NF1: variants seen among roughly 807,000 people sequenced by gnomAD.
NF1 encodes neurofibromin 1.
Under a neutral mutation model 325.7 loss-of-function variants are expected in NF1, and 122 were observed. The observed-to-expected ratio is 0.37, with a 90% CI of 0.32 to 0.44. The LOEUF (loss-of-function observed/expected upper bound fraction) is 0.44. NF1 is among the 20% of genes least tolerant of loss of function. The pLI, the probability that NF1 is intolerant of heterozygous loss-of-function variation, is 1.00. For synonymous variants in NF1, 1,091 were observed against 1,186.0 expected, an observed-to-expected ratio of 0.92 and a Z score of 1.65; for missense variants, 2,140 against 3,415.4, an observed-to-expected ratio of 0.63 and a Z score of 9.31.
intron 1 of NF1, among the ~76,000 whole-genome samples, chr17:31,141,793 G>A (rs1916235495): frequency 6.6e-6 from 1 of 152,106 alleles, no homozygotes; most frequent in Admixed American, 6.5e-5. Context: ...ACTGGGGCAG[G>A]GGATGATGTA....
rs2070718655 is a variant in NF1, at chr17:31,375,477, G to T, written c.*1322G>T. 4.3e-6 allele frequency: 1 copy of T among 231,692 alleles called. No individual in the cohort carries two copies. The highest frequency in any genetic ancestry group is 6.2e-5 in the East Asian group (1 of 16,242). 14.4% of individuals were successfully genotyped at this position (231,692 alleles called of 1,614,324 possible). A position where few individuals can be genotyped will look rare whatever the true frequency, so the allele number is the denominator to read the frequency against. ...ATAGTAATGCAGATCCAATTTCTTT[G>T]TGGTACCTGCAGTTTACAAAATAAT... On this transcript the variant is annotated 3_prime_UTR_variant, in exon 58 of 58. Coordinates refer to ENST00000358273, the MANE Select transcript of NF1 (RefSeq NM_001042492.3).
At chr17:31,207,428 G>A (rs1299795522) in intron 12 of NF1, among the ~76,000 whole-genome samples, 1 of 151,940 alleles carries the variant, frequency 6.6e-6, no homozygotes, top group Non-Finnish European at 1.5e-5. Flanking sequence ...AAATATTTTG[G>A]TTTTATACAG....
chr17:31,243,022 C>T (rs1165396993), intron 29 of NF1, among the ~76,000 whole-genome samples: 2 of 152,184 alleles, frequency 1.3e-5, no homozygotes, highest in Admixed American at 1.3e-4. Flanking sequence ...GGGGACACTC[C>T]AAGCCCAATA....
chr17:31,206,174 TAAAC>T (rs1362813538), intron 11 of NF1, 62 bp from the exon 12 acceptor site: 2 of 1,577,474 alleles, frequency 1.3e-6, no homozygotes, highest in Non-Finnish European at 8.7e-7. Flanking sequence ...ACTACAGTGA[TAAAC>T]AGAGCATACA....
chr17:31,296,197 G>A (rs1478044590), intron 36 of NF1: 4 of 1,613,856 alleles, frequency 2.5e-6, no homozygotes, highest in Non-Finnish European at 3.4e-6. Flanking sequence ...ATGTAGACAA[G>A]TTTCTGCCTG....
intron 40 of NF1, among the ~76,000 whole-genome samples, chr17:31,335,296 AAT>A (rs1171363368): frequency 1.3e-3 from 63 of 49,670 alleles, no homozygotes; most frequent in East Asian, 3.0e-3. Flanking sequence ...ATATATATAT[AAT>A]TATGCCTTGA....
intron 36 of NF1, among the ~76,000 whole-genome samples, chr17:31,310,003 G>A (rs533557315): frequency 6.6e-6 from 1 of 152,288 alleles, no homozygotes; most frequent in East Asian, 1.9e-4. Flanking sequence ...TCCAGAGAAG[G>A]AGAAGAAAGA....
At chr17:31,244,926 A>G (rs1443370781) in intron 29 of NF1, among the ~76,000 whole-genome samples, 1 of 152,192 alleles carries the variant, frequency 6.6e-6, no homozygotes, top group African/African-American at 2.4e-5. Flanking sequence ...TTCTTTGAAA[A>G]TCAACTTGGG....
intron 11 of NF1, among the ~76,000 whole-genome samples, 195 bp downstream of exon 11, chr17:31,201,680 G>A (rs932408559): frequency 5.9e-5 from 9 of 152,202 alleles, no homozygotes; most frequent in East Asian, 3.9e-4. Context: ...AGTCTTGACC[G>A]AAGGGACCAT....
At chr17:31,147,441 A>G (rs535076654) in intron 1 of NF1, among the ~76,000 whole-genome samples, 1 of 152,332 alleles carries the variant, frequency 6.6e-6, no homozygotes, top group East Asian at 1.9e-4. Context: ...TTTAAAAACC[A>G]TTTCTGCTAT....
intron 36 of NF1, among the ~76,000 whole-genome samples, chr17:31,311,190 T>G (rs1203721514): frequency 1.3e-5 from 2 of 152,148 alleles, no homozygotes; most frequent in Non-Finnish European, 2.9e-5. Flanking sequence ...TGGACTCAAG[T>G]GACCCACCCA....
chr17:31,210,950 A>G (rs868373472), intron 12 of NF1, among the ~76,000 whole-genome samples: 10 of 152,184 alleles, frequency 6.6e-5, no homozygotes, highest in African/African-American at 2.4e-4. Context: ...GCAAACTAAC[A>G]TCTCCTGCTT....
At chr17:31,318,568 C>T in intron 36 of NF1, 1 of 1,614,084 alleles carries the variant, frequency 6.2e-7, no homozygotes, top group Non-Finnish European at 8.5e-7. Flanking sequence ...TAGAAAGGTA[C>T]AGATAAGAAA....
intron 1 of NF1, among the ~76,000 whole-genome samples, chr17:31,117,692 AAAAAAAAAAAAG>A (rs1379856619): frequency 6.7e-6 from 1 of 149,556 alleles, no homozygotes; most frequent in Non-Finnish European, 1.5e-5. Context: ...AAAAAAAAAA[AAAAAAAAAAAAG>A]GAATAGTGAT....
intron 48 of NF1, among the ~76,000 whole-genome samples, chr17:31,348,096 G>T (rs1024346014): frequency 3.5e-5 from 3 of 86,912 alleles, no homozygotes; most frequent in Admixed American, 2.9e-4. Context: ...TAAAGCTCAG[G>T]TTTGCTAGGG....
Position 31,249,060 on chromosome 17 carries a change from A to C in NF1, c.4051A>C (p.Ile1351Leu), listed in dbSNP as rs1233135542. ...GACTGAAAAGTTCTTCCATGCCATC[A>C]TCAGTTCCTCCTCAGAATTCCCCCC... ...QMTEKFFHAI[I>L]SSSSEFPPQL... The change falls in exon 30 of 58, where the codon ATC (isoleucine) becomes CTC (leucine). Residue 1351 changes from isoleucine (I) to leucine (L), a missense_variant. Physicochemically the swap from Ile to Leu is conservative, Grantham distance 5. Coordinates refer to ENST00000358273, the MANE Select transcript of NF1 (RefSeq NM_001042492.3). 1.2e-6 allele frequency: 2 copies of C among 1,614,174 alleles called. No homozygotes were observed. The highest frequency in any genetic ancestry group is 1.6e-4 in the Middle Eastern group (1 of 6,062).
At chr17:31,131,886 A>G (rs1465641661) in intron 1 of NF1, among the ~76,000 whole-genome samples, 2 of 151,752 alleles carry the variant, frequency 1.3e-5, no homozygotes, top group African/African-American at 4.8e-5. Context: ...TTCACCCCTA[A>G]TGTTTATTTC....
At chr17:31,182,785 T>C in intron 8 of NF1, 120 bp downstream of exon 8, 1 of 951,194 alleles carries the variant, frequency 1.1e-6, no homozygotes, top group Non-Finnish European at 1.6e-6. Flanking sequence ...ATTTAAATGA[T>C]CATTTTAGGT....
chr17:31,298,771 A>C (rs1350967045), intron 36 of NF1, among the ~76,000 whole-genome samples: 5 of 152,096 alleles, frequency 3.3e-5, no homozygotes, highest in African/African-American at 1.2e-4. Context: ...AATATTGTGG[A>C]AATAGGGAAT....
Sources: gnomAD v4.1 joint callset for allele counts (sites outside exome capture counted in the v4.1 genomes callset) on GRCh38, gnomAD v4.1.1 for gene constraint, MANE v1.5 for transcripts, NCBI Gene and HGNC (gene_info 2026-07-23, HGNC 2026-07-21) for gene names.